PRKN: variants seen among roughly 807,000 people sequenced by gnomAD.
PRKN encodes the protein parkin RBR E3 ubiquitin protein ligase.
A neutral mutation model predicts 59.5 loss-of-function variants in PRKN; 56 were observed. The ratio of observed to expected loss-of-function variants is 0.94; its 90% confidence interval spans 0.76 to 1.18. PRKN has a LOEUF of 1.18. Among genes scored for constraint, PRKN ranks in the 50% most tolerant of loss-of-function variants. PRKN has a pLI of 0.00. For missense variants in PRKN, 657 were observed against 596.4 expected, an observed-to-expected ratio of 1.10 and a Z score of -1.06; for synonymous variants, 250 against 222.1, an observed-to-expected ratio of 1.13 and a Z score of -1.12.
At chr6:162,406,607 G>A (rs1788086955) in intron 2 of PRKN, among the ~76,000 whole-genome samples, 1 of 152,154 alleles carries the variant, frequency 6.6e-6, no homozygotes, top group Non-Finnish European at 1.5e-5. Flanking sequence ...CATGTGGTGT[G>A]AGAGTCACTC....
intron 3 of PRKN, among the ~76,000 whole-genome samples, chr6:162,223,586 T>A (rs2128081977): frequency 6.6e-6 from 1 of 151,848 alleles, no homozygotes; most frequent in Admixed American, 6.6e-5. Context: ...CGTATGTGTA[T>A]ATTGGCTTAT....
At chr6:162,611,281 A>G (rs1269480075) in intron 1 of PRKN, among the ~76,000 whole-genome samples, 1 of 152,210 alleles carries the variant, frequency 6.6e-6, no homozygotes, top group Non-Finnish European at 1.5e-5. Context: ...AAAGTAGCTT[A>G]TTGCTTTTCA....
chr6:162,371,560 A>G (rs1785771065), intron 2 of PRKN, among the ~76,000 whole-genome samples: 1 of 152,182 alleles, frequency 6.6e-6, no homozygotes, highest in Non-Finnish European at 1.5e-5. Flanking sequence ...TGAGAATAAC[A>G]TTATCTACTC....
intron 9 of PRKN, among the ~76,000 whole-genome samples, chr6:161,534,624 C>A (rs552765860): frequency 6.6e-6 from 1 of 152,196 alleles, no homozygotes; most frequent in Non-Finnish European, 1.5e-5. Flanking sequence ...TGTTGCCATG[C>A]GGCTATGCTG....
chr6:162,417,710 G>T (rs1455909343), intron 2 of PRKN, among the ~76,000 whole-genome samples: 1 of 152,182 alleles, frequency 6.6e-6, no homozygotes, highest in Non-Finnish European at 1.5e-5. Context: ...CCCAGATAAT[G>T]TCCGTTAACG....
intron 1 of PRKN, among the ~76,000 whole-genome samples, chr6:162,663,420 A>AT (rs779581709): frequency 2.7e-4 from 41 of 151,852 alleles, no homozygotes; most frequent in Non-Finnish European, 4.9e-4. Flanking sequence ...AAAAAAAAAA[A>AT]GGAAATTTCC....
chr6:161,504,289 C>A (rs1358821313), intron 9 of PRKN, among the ~76,000 whole-genome samples: 5 of 152,274 alleles, frequency 3.3e-5, no homozygotes. Flanking sequence ...AGGTCTGACT[C>A]CCTGAGGAAG....
At chr6:162,689,095 T>C (rs1469866961) in intron 1 of PRKN, among the ~76,000 whole-genome samples, 1 of 152,222 alleles carries the variant, frequency 6.6e-6, no homozygotes, top group Non-Finnish European at 1.5e-5. Flanking sequence ...GGAGTATGTT[T>C]TAGATGCTCC....
intron 1 of PRKN, among the ~76,000 whole-genome samples, chr6:162,527,791 C>T (rs1465678287): frequency 4.6e-5 from 7 of 152,056 alleles, no homozygotes; most frequent in Admixed American, 1.3e-4. Context: ...TCCCATCAGG[C>T]GCTTTACATA....
intron 1 of PRKN, among the ~76,000 whole-genome samples, chr6:162,605,456 C>T (rs1781872789): frequency 6.6e-6 from 1 of 152,064 alleles, no homozygotes; most frequent in Non-Finnish European, 1.5e-5. Flanking sequence ...GTATCAATTC[C>T]TTGGTATAAT....
chr6:162,196,334 G>C (rs1784497638), intron 4 of PRKN, among the ~76,000 whole-genome samples: 1 of 152,168 alleles, frequency 6.6e-6, no homozygotes, highest in South Asian at 2.1e-4. Context: ...ATTGGTGCTA[G>C]GGAAATATTT....
chr6:162,387,915 A>T (rs1786937448), intron 2 of PRKN, among the ~76,000 whole-genome samples: 1 of 152,174 alleles, frequency 6.6e-6, no homozygotes, highest in South Asian at 2.1e-4. Context: ...TGTCTGTGCT[A>T]ACTCCATGGC....
intron 1 of PRKN, among the ~76,000 whole-genome samples, chr6:162,517,063 G>C (rs892503833): frequency 6.6e-6 from 1 of 151,994 alleles, no homozygotes; most frequent in African/African-American, 2.4e-5. Flanking sequence ...AAGGATGGAG[G>C]GGATGCCAAG....
chr6:162,283,977 C>A (rs887297296), intron 2 of PRKN, among the ~76,000 whole-genome samples: 1 of 152,094 alleles, frequency 6.6e-6, no homozygotes, highest in African/African-American at 2.4e-5. Context: ...ACTAAGTACA[C>A]ATATAATTCA....
At chr6:161,857,207 C>T (rs1055542502) in intron 6 of PRKN, among the ~76,000 whole-genome samples, 2 of 152,030 alleles carry the variant, frequency 1.3e-5, no homozygotes, top group African/African-American at 2.4e-5. Flanking sequence ...CCAGCCTGGG[C>T]GACAGAGTGA....
intron 6 of PRKN, among the ~76,000 whole-genome samples, chr6:161,860,214 TC>T (rs997054276): frequency 1.3e-5 from 2 of 152,230 alleles, no homozygotes; most frequent in African/African-American, 4.8e-5. Context: ...AGACCTTCTT[TC>T]CCTGCCTTTT....
intron 1 of PRKN, among the ~76,000 whole-genome samples, chr6:162,576,806 C>G (rs1780575339): frequency 1.0e-5 from 1 of 100,126 alleles, no homozygotes; most frequent in African/African-American, 4.7e-5. Context: ...GAGTGAGACT[C>G]CGTCAAAAAA....
At chr6:161,822,175 G>C (rs1242024819) in intron 6 of PRKN, among the ~76,000 whole-genome samples, 1 of 152,124 alleles carries the variant, frequency 6.6e-6, no homozygotes, top group African/African-American at 2.4e-5. Flanking sequence ...GGGACATGCG[G>C]TCATACAGGA....
At chr6:161,910,243 G>A (rs569112873) in intron 6 of PRKN, among the ~76,000 whole-genome samples, 7 of 152,218 alleles carry the variant, frequency 4.6e-5, no homozygotes, top group Non-Finnish European at 8.8e-5. Context: ...AATGACAACA[G>A]AGGATTTTTT....
Sources: allele counts gnomAD v4.1 joint callset (sites outside exome capture counted in the v4.1 genomes callset), GRCh38; gene constraint gnomAD v4.1.1; transcripts MANE v1.5; gene names NCBI Gene and HGNC (gene_info 2026-07-23, HGNC 2026-07-21).